The following ADCY8 variants were observed in gnomAD, a reference collection of about 807,000 sequenced individuals.
ADCY8 encodes the protein adenylate cyclase type 8.
A neutral mutation model predicts 119.7 loss-of-function variants in ADCY8; 51 were observed. The ratio of observed to expected loss-of-function variants is 0.43; its 90% CI spans 0.34 to 0.54. The LOEUF (loss-of-function observed/expected upper bound fraction) is 0.54. Among genes scored for constraint, ADCY8 ranks in the 20% least tolerant of loss-of-function variants. ADCY8 has a pLI of 0.03. For synonymous variants in ADCY8, 665 were observed against 651.0 expected (o/e 1.02, Z -0.33); for missense variants, 1,383 against 1,598.8 (o/e 0.87, Z 2.30).
At chr8:130,881,664 A>T (rs1004625607) in intron 8 of ADCY8, among the ~76,000 whole-genome samples, 4 of 152,116 alleles carry the variant, frequency 2.6e-5, no homozygotes, top group African/African-American at 9.7e-5. Flanking sequence ...TAAGATATAT[A>T]TTCTTAATAA....
At chr8:130,852,988 A>C (rs1312216634) in intron 9 of ADCY8, among the ~76,000 whole-genome samples, 1 of 152,198 alleles carries the variant, frequency 6.6e-6, no homozygotes, top group Non-Finnish European at 1.5e-5. Context: ...TCCCCTCAGC[A>C]GCCTTCACAG....
At chr8:130,885,856 A>G (rs974079815) in intron 7 of ADCY8, among the ~76,000 whole-genome samples, 4 of 152,014 alleles carry the variant, frequency 2.6e-5, no homozygotes, top group African/African-American at 9.7e-5. Flanking sequence ...CAGCTTGGCT[A>G]TGTTTAGAAC....
chr8:131,039,150 G>A (rs543797385), intron 1 of ADCY8, among the ~76,000 whole-genome samples: 2 of 152,350 alleles, frequency 1.3e-5, no homozygotes, highest in African/African-American at 4.8e-5. Flanking sequence ...CATAGAATCA[G>A]AGTAGAAGGG....
chr8:130,976,163 G>A (rs1822066359), intron 2 of ADCY8, among the ~76,000 whole-genome samples: 1 of 152,092 alleles, frequency 6.6e-6, no homozygotes. Flanking sequence ...AGGTTTTGTG[G>A]GTCCTGAGAC....
chr8:130,918,953 C>T (rs1010618879), intron 5 of ADCY8, among the ~76,000 whole-genome samples: 1 of 152,284 alleles, frequency 6.6e-6, no homozygotes, highest in Admixed American at 6.5e-5. Context: ...CCCAGCTTCT[C>T]AGGAGTAGCT....
intron 15 of ADCY8, among the ~76,000 whole-genome samples, chr8:130,798,214 T>C (rs533736066): frequency 2.6e-5 from 4 of 152,306 alleles, no homozygotes; most frequent in East Asian, 1.9e-4. Flanking sequence ...AACAGGGTGG[T>C]ACTGAAGGGT....
chr8:130,932,835 C>T (rs1820672637), intron 5 of ADCY8, among the ~76,000 whole-genome samples: 1 of 152,194 alleles, frequency 6.6e-6, no homozygotes, highest in Admixed American at 6.5e-5. Context: ...GCACCCTATC[C>T]TACCCATATC....
intron 7 of ADCY8, among the ~76,000 whole-genome samples, chr8:130,901,087 A>T (rs1283816875): frequency 6.6e-6 from 1 of 152,148 alleles, no homozygotes; most frequent in Non-Finnish European, 1.5e-5. Flanking sequence ...TCACTTATTC[A>T]ACAAACTTTA....
intron 8 of ADCY8, among the ~76,000 whole-genome samples, chr8:130,883,889 G>A (rs557290255): frequency 6.6e-6 from 1 of 152,272 alleles, no homozygotes; most frequent in South Asian, 2.1e-4. Flanking sequence ...CCTAATCAAG[G>A]TGTTGCCCTG....
chr8:131,003,860 T>C (rs1185472633), intron 1 of ADCY8, among the ~76,000 whole-genome samples: 1 of 149,954 alleles, frequency 6.7e-6, no homozygotes, highest in Non-Finnish European at 1.5e-5. Context: ...TAAAGAAGTG[T>C]GGGAGAAGAA....
rs1366659584 is a variant in ADCY8, at chr8:131,039,395, C to T, written c.939G>A (p.Leu313=). Residue 313 remains leucine, a synonymous_variant, in exon 1 of 18, where the codon CTG becomes CTA. Coordinates refer to ENST00000286355, the MANE Select transcript of ADCY8 (RefSeq NM_001115.3). The part of the protein sequence containing the change: ...QVILQVVIPR[L]AVISINQVVA... ...TTACCTGGTTGATGGAAATGACCGC[C>T]AGCCGGGGTATGACCACTTGGAGGA... 6.2e-7 allele frequency: 1 copy of T among 1,613,040 alleles called. No individual in the cohort carries two copies. Among genetic ancestry groups the T allele is most frequent in the Admixed American group, 1.7e-5 (1 of 60,010 alleles).
At chr8:130,801,899 C>CTTTTTTT (rs34853195) in intron 14 of ADCY8, among the ~76,000 whole-genome samples, 19 of 97,796 alleles carry the variant, frequency 1.9e-4, no homozygotes, top group Non-Finnish European at 2.5e-4. Flanking sequence ...TTGAGAATGC[C>CTTTTTTT]TTTTTTTTTT....
Position 130,937,053 on chromosome 8 carries a change from T to G in ADCY8, c.1481+20A>C. 6.2e-7 allele frequency: 1 copy of G among 1,601,836 alleles called. No homozygotes were observed. The highest frequency in any genetic ancestry group is 2.2e-5 in the East Asian group (1 of 44,496). The stretch of plus-strand genomic sequence containing the variant: ...GTGCACATTGAAGACCCAGGTAACA[T>G]GATGGGGATCACAAATTACCTGATG... On this transcript the variant is annotated intron_variant, in intron 5 of 17. Transcript: ENST00000286355.
intron 5 of ADCY8, among the ~76,000 whole-genome samples, chr8:130,916,888 G>C (rs545489370): frequency 1.1e-3 from 165 of 152,286 alleles, no homozygotes; most frequent in African/African-American, 3.9e-3. Flanking sequence ...TGAGACTCCT[G>C]ATTTCCCACT....
At chr8:130,802,615 T>C (rs771197225) in intron 14 of ADCY8, among the ~76,000 whole-genome samples, 1 of 152,224 alleles carries the variant, frequency 6.6e-6, no homozygotes, top group Non-Finnish European at 1.5e-5. Flanking sequence ...AGCTTTATTG[T>C]CTGCAACTCC....
rs77326246 is a variant in ADCY8, at chr8:131,000,593, A to T, written c.961-10051T>A. 5.4e-3 allele frequency among the ~76,000 whole-genome samples: 816 copies of T among 152,244 alleles called. 5 individuals carry two copies. The highest frequency in any genetic ancestry group is 0.019 in the African/African-American group (789 of 41,542). On this transcript the variant is annotated intron_variant, in intron 1 of 17. Coordinates refer to ENST00000286355, the MANE Select transcript of ADCY8 (RefSeq NM_001115.3). ...TGTAGATGCCGGAACTGAAGCTCGA[A>T]GTTTAGTCATTTGCTTGAGATAATG... is the stretch of plus-strand genomic sequence containing the variant.
At chr8:130,883,259 C>G (rs1229889613) in intron 8 of ADCY8, among the ~76,000 whole-genome samples, 1 of 152,184 alleles carries the variant, frequency 6.6e-6, no homozygotes. Context: ...GTAAAGCAAT[C>G]TGCTCTTCAT....
chr8:130,922,342 C>T (rs1359527935), intron 5 of ADCY8, among the ~76,000 whole-genome samples: 1 of 150,572 alleles, frequency 6.6e-6, no homozygotes, highest in Non-Finnish European at 1.5e-5. Context: ...TTTTCCTAGG[C>T]AGAGGACCCT....
chr8:130,790,480 T>A lies in ADCY8; in HGVS notation c.3061-5005A>T, dbSNP rs1045222619. ...ATGTCAAAGTTCGCTCCGTGCCTAA[T>A]GAAACACAGCATGTCTCCACCTCTG... On this transcript the variant is annotated intron_variant, in intron 15 of 17. Transcript: ENST00000286355. Among the ~76,000 whole-genome samples, 6 of 152,198 alleles carry A rather than the reference T, an allele frequency of 3.9e-5. No homozygotes were observed. In the South Asian group the frequency reaches 1.2e-3, roughly 32 times the overall value.
Sources: allele counts gnomAD v4.1 joint callset (sites outside exome capture counted in the v4.1 genomes callset), GRCh38; gene constraint gnomAD v4.1.1; transcripts MANE v1.5; gene names NCBI Gene and HGNC (gene_info 2026-07-23, HGNC 2026-07-21).